Variants in SMYD3 observed in about 807,000 individuals in gnomAD.
SMYD3 encodes histone-lysine N-methyltransferase SMYD3.
Under a neutral mutation model 57.7 loss-of-function variants are expected in SMYD3, and 36 were observed. The ratio of observed to expected loss-of-function variants is 0.62; its 90% CI spans 0.48 to 0.82. The LOEUF is 0.82. Among genes scored for constraint, SMYD3 ranks in the 40% least tolerant of loss-of-function variants. The pLI is 0.00. For missense variants in SMYD3, 515 were observed against 538.8 expected, an observed-to-expected ratio of 0.96 and a Z score of 0.44; for synonymous variants, 211 against 195.0, an observed-to-expected ratio of 1.08 and a Z score of -0.68.
At chr1:245,902,213 T>C (rs1395408904) in intron 8 of SMYD3, among the ~76,000 whole-genome samples, 1 of 152,156 alleles carries the variant, frequency 6.6e-6, no homozygotes, top group African/African-American at 2.4e-5. Context: ...CTGTGTCCTA[T>C]ACCCTGGGGA....
intron 8 of SMYD3, among the ~76,000 whole-genome samples, chr1:245,867,657 TGC>T (rs968176176): frequency 3.1e-5 from 4 of 128,346 alleles, no homozygotes; most frequent in African/African-American, 1.2e-4. Flanking sequence ...CGCGTGCGTG[TGC>T]GTGCGCGCGC....
chr1:246,316,543 T>G lies in SMYD3; in HGVS notation c.531+10658A>C, dbSNP rs1317020057. Among the ~76,000 whole-genome samples the G allele has an allele frequency of 8.6e-5, 4 of 46,516 alleles. 1 individual carries two copies. The highest frequency in any genetic ancestry group is 2.4e-3 in the South Asian group (2 of 846). The allele number at this position is 46,516 out of a possible 152,430, so 30.5% of individuals were successfully genotyped here. A position where few individuals can be genotyped will look rare whatever the true frequency, so the allele number is the denominator to read the frequency against. On this transcript the variant is annotated intron_variant, in intron 5 of 11. Transcript: ENST00000490107. ...CCCAGCTAATTTTTGTTGTTTTGGT[T>G]TTTTTTTTTTTTTTTTTTGTAGAGA...
At chr1:245,766,742 A>G (rs2046123828) in intron 10 of SMYD3, among the ~76,000 whole-genome samples, 1 of 152,186 alleles carries the variant, frequency 6.6e-6, no homozygotes, top group African/African-American at 2.4e-5. Context: ...TCATCACTCC[A>G]CTAAGTAGAT....
chr1:246,167,163 C>T (rs1432223734), intron 5 of SMYD3, among the ~76,000 whole-genome samples: 3 of 152,214 alleles, frequency 2.0e-5, no homozygotes, highest in African/African-American at 4.8e-5. Context: ...GGATAGATCA[C>T]AATTGGTGTA....
intron 8 of SMYD3, among the ~76,000 whole-genome samples, chr1:245,900,664 AAT>A (rs1413869614): frequency 6.6e-6 from 1 of 152,176 alleles, no homozygotes; most frequent in Non-Finnish European, 1.5e-5. Context: ...ATCCTTTCCT[AAT>A]ATACTATTGC....
chr1:246,138,403 A>G (rs1227901240), intron 5 of SMYD3, among the ~76,000 whole-genome samples: 1 of 151,910 alleles, frequency 6.6e-6, no homozygotes, highest in Admixed American at 6.6e-5. Context: ...CTCTTCCTAT[A>G]AACTATTTTA....
chr1:245,804,370 C>T (rs1471996272), intron 10 of SMYD3, among the ~76,000 whole-genome samples: 2 of 152,102 alleles, frequency 1.3e-5, no homozygotes, highest in African/African-American at 4.8e-5. Context: ...ATCACGAAGT[C>T]AGGAGATCCA....
chr1:245,766,577 T>TC (rs1278390947), intron 10 of SMYD3, among the ~76,000 whole-genome samples: 1 of 151,864 alleles, frequency 6.6e-6, no homozygotes, highest in African/African-American at 2.4e-5. Flanking sequence ...GACTTTAAGA[T>TC]CCCCAGACAA....
intron 8 of SMYD3, among the ~76,000 whole-genome samples, chr1:245,911,464 A>G (rs1012925561): frequency 6.6e-6 from 1 of 151,714 alleles, no homozygotes; most frequent in Admixed American, 6.6e-5. Context: ...GGGTCGACCT[A>G]AATGTCCATC....
chr1:246,176,118 C>T (rs918797258), intron 5 of SMYD3, among the ~76,000 whole-genome samples: 1 of 152,166 alleles, frequency 6.6e-6, no homozygotes, highest in African/African-American at 2.4e-5. Context: ...CAGTACTCTC[C>T]TTTCCATTGA....
intron 1 of SMYD3, among the ~76,000 whole-genome samples, chr1:246,376,319 T>C (rs928515549): frequency 6.6e-6 from 1 of 152,038 alleles, no homozygotes; most frequent in African/African-American, 2.4e-5. Context: ...CAGGGCACAG[T>C]AGCTTTGGGA....
chr1:246,039,066 T>C (rs2059825374), intron 5 of SMYD3, among the ~76,000 whole-genome samples: 1 of 152,178 alleles, frequency 6.6e-6, no homozygotes, highest in Non-Finnish European at 1.5e-5. Context: ...CCTTGTTTTC[T>C]CCTACCATGG....
At chr1:246,201,270 C>A (rs1035611079) in intron 5 of SMYD3, among the ~76,000 whole-genome samples, 10 of 152,164 alleles carry the variant, frequency 6.6e-5, no homozygotes, top group Non-Finnish European at 1.2e-4. Context: ...GACACATCCA[C>A]AAAAATTGCT....
At chr1:246,325,694 G>A (rs1195652250) in intron 5 of SMYD3, 8 of 152,020 alleles carry the variant, frequency 5.3e-5, no homozygotes, top group Non-Finnish European at 1.0e-4. Context: ...GCAACAGAAA[G>A]TATTTTAAAA....
intron 8 of SMYD3, among the ~76,000 whole-genome samples, chr1:245,880,289 G>A (rs1020303183): frequency 8.0e-4 from 122 of 152,318 alleles, no homozygotes; most frequent in African/African-American, 2.3e-3. Context: ...ATTTCAACCA[G>A]GATTTGTTAA....
Position 245,921,224 on chromosome 1 carries a change from C to T in SMYD3, c.703-5584G>A, listed in dbSNP as rs990802373. On this transcript the variant is annotated intron_variant, in intron 7 of 11. Coordinates refer to ENST00000490107, the MANE Select transcript of SMYD3 (RefSeq NM_001167740.2). ...AGAGAAATGCAAATCAAAACCACAA[C>T]GAGAAACCATCTTACACCAGTCAGA... is the stretch of plus-strand genomic sequence containing the variant. 5.3e-5 allele frequency among the ~76,000 whole-genome samples: 8 copies of T among 152,086 alleles called. No individual in the cohort carries two copies. The East Asian group carries it at 1.2e-3, about 22-fold the overall frequency.
intron 10 of SMYD3, among the ~76,000 whole-genome samples, chr1:245,793,963 TTTC>T (rs1372408184): frequency 6.6e-6 from 1 of 152,214 alleles, no homozygotes; most frequent in South Asian, 2.1e-4. Context: ...TTGGTGCAGT[TTTC>T]TTCTTAAGCA....
chr1:246,285,872 C>G (rs182021665), intron 5 of SMYD3, among the ~76,000 whole-genome samples: 86 of 152,114 alleles, frequency 5.7e-4, no homozygotes, highest in African/African-American at 1.9e-3. Flanking sequence ...AAATGGCCAG[C>G]AAACATATGA....
chr1:246,241,397 T>C (rs961201676), intron 5 of SMYD3, among the ~76,000 whole-genome samples: 13 of 152,350 alleles, frequency 8.5e-5, no homozygotes, highest in Middle Eastern at 3.4e-3. Flanking sequence ...ATTATGTTTA[T>C]TGATTTGCGT....
Sources: gnomAD v4.1 joint callset for allele counts (sites outside exome capture counted in the v4.1 genomes callset) on GRCh38, gnomAD v4.1.1 for gene constraint, MANE v1.5 for transcripts, NCBI Gene and HGNC (gene_info 2026-07-23, HGNC 2026-07-21) for gene names.